PXMP4: variants seen among roughly 807,000 people sequenced by gnomAD.
PXMP4 encodes the protein 24 kDa peroxisomal intrinsic membrane protein.
A neutral mutation model predicts 21.6 loss-of-function variants in PXMP4; 16 were observed. That is an observed-to-expected ratio of 0.74 (90% CI 0.50 to 1.13). The LOEUF is 1.13. PXMP4 is among the 50% of genes most tolerant of loss of function. PXMP4 has a pLI of 0.00. For missense variants in PXMP4, 240 were observed against 277.7 expected, an observed-to-expected ratio of 0.86 and a Z score of 0.96; for synonymous variants, 127 against 123.8, an observed-to-expected ratio of 1.03 and a Z score of -0.17.
chr20:33,703,365 G>T lies in PXMP4; in HGVS notation c.*4341C>A, dbSNP rs1301254115. 1.3e-5 allele frequency: 2 copies of T among 152,248 alleles called. No homozygotes were observed. The highest frequency in any genetic ancestry group is 2.4e-5 in the African/African-American group (1 of 41,464). The allele number at this position is 152,248 out of a possible 1,614,324, so 9.4% of individuals were successfully genotyped here. A position where few individuals can be genotyped will look rare whatever the true frequency, so the allele number is the denominator to read the frequency against. On this transcript the variant is annotated 3_prime_UTR_variant, in exon 4 of 4. Transcript: ENST00000409299. Reference sequence around the variant, plus strand: ...TCGATGAGGTGTGTGCTACGACAACGCCTACTTTATCAATGAGGAAATAGA... The same window carrying T: ...TCGATGAGGTGTGTGCTACGACAACTCCTACTTTATCAATGAGGAAATAGA...
At chr20:33,710,782 A>C (rs775828684) in intron 2 of PXMP4, 29 bp from the exon 3 acceptor site, 32 of 1,562,680 alleles carry the variant, frequency 2.0e-5, no homozygotes, top group Admixed American at 5.6e-5. Flanking sequence ...CCCTGCCATG[A>C]GTGCAGGCTC....
At chr20:33,709,701 CCT>C in intron 3 of PXMP4, among the ~76,000 whole-genome samples, 1 of 150,974 alleles carries the variant, frequency 6.6e-6, no homozygotes, top group Non-Finnish European at 1.5e-5. Flanking sequence ...AGGGCCCCCT[CCT>C]CTAGCCCCAC....
chr20:33,708,471 G>A lies in PXMP4; in HGVS notation c.376-502C>T, dbSNP rs557684294. 3.3e-5 allele frequency among the ~76,000 whole-genome samples: 5 copies of A among 152,032 alleles called. No individual in the cohort carries two copies. In the East Asian group the frequency reaches 7.7e-4, roughly 23 times the overall value. On this transcript the variant is annotated intron_variant, in intron 3 of 3. Transcript: ENST00000409299. ...CAAAGTGCTGGGATTACAGGTGGGAGCCACAGCATTGGCCTGATTTCTGCA... is the reference window on the plus strand; with the variant it reads ...CAAAGTGCTGGGATTACAGGTGGGAACCACAGCATTGGCCTGATTTCTGCA...
At chr20:33,709,739 C>A (rs2018301387) in intron 3 of PXMP4, among the ~76,000 whole-genome samples, 2 of 145,452 alleles carry the variant, frequency 1.4e-5, no homozygotes, top group Admixed American at 1.4e-4. Flanking sequence ...CGCCCCTCCA[C>A]CCACCCCTAC....
At chr20:33,719,895 G>A (rs1457072358) in intron 1 of PXMP4, among the ~76,000 whole-genome samples, 200 bp downstream of exon 1, 2 of 152,246 alleles carry the variant, frequency 1.3e-5, no homozygotes, top group Non-Finnish European at 2.9e-5. Context: ...AAAATGTGCA[G>A]TGGGAGCCCC....
intron 2 of PXMP4, among the ~76,000 whole-genome samples, chr20:33,713,118 C>T (rs77020886): frequency 0.011 from 1,601 of 152,338 alleles, 30 homozygotes; most frequent in African/African-American, 0.037. Context: ...AATGGTGCAG[C>T]CCTGCTCAAA....
At chr20:33,712,976 G>C (rs2018346705) in intron 2 of PXMP4, among the ~76,000 whole-genome samples, 2 of 152,214 alleles carry the variant, frequency 1.3e-5, no homozygotes, top group African/African-American at 4.8e-5. Flanking sequence ...ATGTTGGCCA[G>C]ACTGGTCTCG....
At chr20:33,713,511 T>C (rs1466994579) in intron 2 of PXMP4, among the ~76,000 whole-genome samples, 11 of 152,186 alleles carry the variant, frequency 7.2e-5, no homozygotes, top group Non-Finnish European at 1.0e-4. Flanking sequence ...CCATAGCACC[T>C]TCTAACATAC....
chr20:33,713,617 C>G (rs1018021180), intron 2 of PXMP4, among the ~76,000 whole-genome samples: 12 of 152,156 alleles, frequency 7.9e-5, no homozygotes, highest in African/African-American at 2.7e-4. Context: ...ATCCCCAGTA[C>G]CTAGAACAGT....
chr20:33,717,113 G>A (rs2018391332), intron 1 of PXMP4, among the ~76,000 whole-genome samples: 1 of 152,048 alleles, frequency 6.6e-6, no homozygotes, highest in African/African-American at 2.4e-5. Flanking sequence ...AGGAGGCAGA[G>A]GCTGCAGCGA....
chr20:33,719,968 C>T (rs1228911751), intron 1 of PXMP4, 127 bp downstream of exon 1: 3 of 893,262 alleles, frequency 3.4e-6, no homozygotes, highest in Non-Finnish European at 5.1e-6. Context: ...TGGTGACCTC[C>T]GAGACTTAGA....
At chr20:33,712,071 T>G (rs1429319911) in intron 2 of PXMP4, among the ~76,000 whole-genome samples, 1 of 151,092 alleles carries the variant, frequency 6.6e-6, no homozygotes, top group Non-Finnish European at 1.5e-5. Flanking sequence ...AATGGCAAAC[T>G]CAGGTGCTCT....
intron 1 of PXMP4, among the ~76,000 whole-genome samples, chr20:33,717,771 G>A (rs967949053): frequency 1.1e-4 from 17 of 151,134 alleles, no homozygotes; most frequent in Non-Finnish European, 1.9e-4. Flanking sequence ...TAGGAATGAC[G>A]TGAACAAGAC....
intron 2 of PXMP4, among the ~76,000 whole-genome samples, chr20:33,714,328 G>A (rs2018361423): frequency 1.3e-5 from 2 of 152,132 alleles, no homozygotes; most frequent in African/African-American, 4.8e-5. Context: ...AGACCAGCCT[G>A]GCCAATATGG....
intron 3 of PXMP4, among the ~76,000 whole-genome samples, chr20:33,709,696 C>T (rs1461103992): frequency 6.6e-6 from 1 of 151,176 alleles, no homozygotes; most frequent in African/African-American, 2.4e-5. Context: ...GAACCAGGGC[C>T]CCCTCCTCTA....
At chr20:33,713,886 A>G (rs1362909040) in intron 2 of PXMP4, among the ~76,000 whole-genome samples, 5 of 152,204 alleles carry the variant, frequency 3.3e-5, no homozygotes, top group Admixed American at 3.3e-4. Context: ...GGGAAGAGCT[A>G]CGGGAGATGA....
In PXMP4 at chr20:33,719,596, G is replaced by A. The variant is rs565625622; in HGVS notation, c.113+499C>T. ...CAGCTTCTTTTACATTCATTGTCAC[G>A]TCCCAGGAGCCCCCTGAGCCGAACG... On this transcript the variant is annotated intron_variant, in intron 1 of 3. Transcript: ENST00000409299. Among the ~76,000 whole-genome samples the A allele has an allele frequency of 3.9e-5, 6 of 152,298 alleles. 1 individual carries two copies. In the South Asian group the frequency reaches 1.2e-3, roughly 32 times the overall value.
At chr20:33,710,837 A>T (rs1383464958) in intron 2 of PXMP4, 84 bp from the exon 3 acceptor site, 1 of 1,321,652 alleles carries the variant, frequency 7.6e-7, no homozygotes, top group African/African-American at 1.5e-5. Context: ...CCTAACAACC[A>T]GCCAAGGAGC....
At chr20:33,719,269 A>G (rs976820406) in intron 1 of PXMP4, among the ~76,000 whole-genome samples, 1 of 152,186 alleles carries the variant, frequency 6.6e-6, no homozygotes, top group African/African-American at 2.4e-5. Flanking sequence ...TTTTACAGAT[A>G]TTGAGGCTTA....
Sources: allele counts gnomAD v4.1 joint callset (sites outside exome capture counted in the v4.1 genomes callset), GRCh38; gene constraint gnomAD v4.1.1; transcripts MANE v1.5; gene names NCBI Gene and HGNC (gene_info 2026-07-23, HGNC 2026-07-21).